Variants in CLSTN2 observed in about 807,000 individuals in gnomAD.
CLSTN2 encodes the protein calsyntenin 2, also known as calsyntenin-2.
Under a neutral mutation model 101.2 loss-of-function variants are expected in CLSTN2, and 48 were observed. The ratio of observed to expected loss-of-function variants is 0.47; its 90% confidence interval spans 0.38 to 0.60. CLSTN2 has a LOEUF of 0.60. CLSTN2 is among the 20% of genes least tolerant of loss of function. The pLI is 0.00. For synonymous variants in CLSTN2, 481 were observed against 463.6 expected, an observed-to-expected ratio of 1.04 and a Z score of -0.48; for missense variants, 1,160 against 1,238.2, an observed-to-expected ratio of 0.94 and a Z score of 0.95.
chr3:140,500,525 G>C (rs1025143028), intron 8 of CLSTN2, among the ~76,000 whole-genome samples: 12 of 152,192 alleles, frequency 7.9e-5, no homozygotes, highest in African/African-American at 2.9e-4. Flanking sequence ...TCAGAGGAGT[G>C]TTGGACCTGT....
chr3:140,160,456 A>G (rs2010027186), intron 1 of CLSTN2, among the ~76,000 whole-genome samples: 1 of 152,062 alleles, frequency 6.6e-6, no homozygotes, highest in African/African-American at 2.4e-5. Context: ...TTCACCACCC[A>G]AATGTTTCAT....
intron 2 of CLSTN2, among the ~76,000 whole-genome samples, chr3:140,225,052 T>A (rs922737356): frequency 6.6e-6 from 1 of 152,214 alleles, no homozygotes; most frequent in Non-Finnish European, 1.5e-5. Flanking sequence ...GGTTGCACTA[T>A]GTGTGAATTC....
In CLSTN2 at chr3:140,564,161, G is replaced by A. The variant is rs773211427; in HGVS notation, c.2667+16G>A. ...CCCCATGGAGGTGATCCTCATGCACGGCTGGGAGTTCTGGGTGGGGTGCTT... is the reference window on the plus strand; with the variant it reads ...CCCCATGGAGGTGATCCTCATGCACAGCTGGGAGTTCTGGGTGGGGTGCTT... On this transcript the variant is annotated intron_variant, in intron 16 of 16. Transcript: ENST00000458420. The A allele has an allele frequency of 1.6e-5, 26 of 1,611,014 alleles. No homozygotes were observed. Among genetic ancestry groups the A allele is most frequent in the African/African-American group, 2.7e-5 (2 of 74,832 alleles).
intron 8 of CLSTN2, among the ~76,000 whole-genome samples, chr3:140,472,562 T>A (rs1933873384): frequency 6.6e-6 from 1 of 152,226 alleles, no homozygotes. Flanking sequence ...AAAGACTAGC[T>A]CTTGGCTTCA....
In CLSTN2 at chr3:140,349,529, T is replaced by C. The variant is rs141559641; in HGVS notation, c.233-54100T>C. ...TGTTTGTTCCCTTAATACAATCCTGTAGATTCTTAAGAAGACAGTAGATGA... is the reference window on the plus strand; with the variant it reads ...TGTTTGTTCCCTTAATACAATCCTGCAGATTCTTAAGAAGACAGTAGATGA... On this transcript the variant is annotated intron_variant, in intron 2 of 16. Coordinates refer to ENST00000458420, the MANE Select transcript of CLSTN2 (RefSeq NM_022131.3). Among the ~76,000 whole-genome samples, 97 of 152,318 alleles carry C rather than the reference T, an allele frequency of 6.4e-4. 1 individual carries two copies. Among genetic ancestry groups the C allele is most frequent in the African/African-American group, 2.3e-3 (94 of 41,566 alleles).
chr3:140,410,094 T>C (rs1421619730), intron 4 of CLSTN2, among the ~76,000 whole-genome samples: 2 of 152,092 alleles, frequency 1.3e-5, no homozygotes, highest in African/African-American at 2.4e-5. Context: ...TTTGGGGGTA[T>C]TTATATGGCT....
intron 1 of CLSTN2, among the ~76,000 whole-genome samples, chr3:139,970,309 T>A (rs949011227): frequency 6.6e-6 from 1 of 152,126 alleles, no homozygotes; most frequent in Non-Finnish European, 1.5e-5. Flanking sequence ...CTGGCATGTG[T>A]GAAGCATCTG....
At chr3:140,412,829 CT>C (rs1464569432) in intron 4 of CLSTN2, among the ~76,000 whole-genome samples, 1 of 152,024 alleles carries the variant, frequency 6.6e-6, no homozygotes, top group African/African-American at 2.4e-5. Context: ...AGGAAAATAT[CT>C]TGAGGCAAAT....
intron 5 of CLSTN2, among the ~76,000 whole-genome samples, chr3:140,447,359 C>A (rs886614224): frequency 1.3e-5 from 2 of 152,318 alleles, no homozygotes; most frequent in African/African-American, 2.4e-5. Context: ...CCTCCCAGAG[C>A]GTGGGATGCC....
rs191959662 is a variant in CLSTN2 at position 140,052,806 on chromosome 3, A to T, written c.109+117323A>T. Among the ~76,000 whole-genome samples, 158 of 152,354 alleles carry T rather than the reference A, an allele frequency of 1.0e-3. 1 individual carries two copies. The highest frequency in any genetic ancestry group is 3.6e-3 in the African/African-American group (150 of 41,592). ...CAACAAACCTGGGTTCCAAGCAAGC[A>T]TGCCTATTCACAGGCTGTGTGGTCT... On this transcript the variant is annotated intron_variant, in intron 1 of 16. Coordinates refer to ENST00000458420, the MANE Select transcript of CLSTN2 (RefSeq NM_022131.3).
intron 1 of CLSTN2, among the ~76,000 whole-genome samples, chr3:140,008,918 GT>G (rs1194838957): frequency 1.3e-5 from 2 of 152,160 alleles, no homozygotes; most frequent in East Asian, 3.9e-4. Flanking sequence ...AATAGCATTT[GT>G]TTTGCAGACT....
chr3:140,087,398 A>T lies in CLSTN2; in HGVS notation c.110-88553A>T, dbSNP rs143213833. Among the ~76,000 whole-genome samples, 7 of 152,326 alleles carry T rather than the reference A, an allele frequency of 4.6e-5. No individual in the cohort carries two copies. The East Asian group carries it at 1.4e-3, about 29-fold the overall frequency. On this transcript the variant is annotated intron_variant, in intron 1 of 16. Transcript: ENST00000458420. ...TTCTTATTGAATTTGTATTTTTAAGATCCAAGGTAAATTTGTAATACCTCT... is the reference window on the plus strand; with the variant it reads ...TTCTTATTGAATTTGTATTTTTAAGTTCCAAGGTAAATTTGTAATACCTCT...
chr3:140,109,318 C>T (rs184776694), intron 1 of CLSTN2, among the ~76,000 whole-genome samples: 35 of 152,254 alleles, frequency 2.3e-4, no homozygotes, highest in Admixed American at 2.2e-3. Flanking sequence ...CTGGAAGAGC[C>T]GGGAATCTCA....
chr3:140,147,369 C>T (rs1300567988), intron 1 of CLSTN2, among the ~76,000 whole-genome samples: 24 of 152,196 alleles, frequency 1.6e-4, no homozygotes, highest in Admixed American at 1.6e-3. Flanking sequence ...TCGGGAATGT[C>T]AGCTTCTCTG....
At chr3:140,200,513 C>T (rs1160197857) in intron 2 of CLSTN2, among the ~76,000 whole-genome samples, 2 of 152,094 alleles carry the variant, frequency 1.3e-5, no homozygotes, top group East Asian at 1.9e-4. Flanking sequence ...ATGCTAATAG[C>T]ATGCTCTTTA....
At chr3:140,442,950 G>A (rs1425358426) in intron 5 of CLSTN2, among the ~76,000 whole-genome samples, 1 of 152,218 alleles carries the variant, frequency 6.6e-6, no homozygotes, top group East Asian at 1.9e-4. Flanking sequence ...CTTCCAGTAG[G>A]AGGGGAAGAC....
intron 4 of CLSTN2, 76 bp from the exon 5 acceptor site, chr3:140,421,049 G>A: frequency 6.9e-7 from 1 of 1,458,044 alleles, no homozygotes; most frequent in South Asian, 1.2e-5. Context: ...GGTGGGTGGA[G>A]TGGAGAAGAG....
intron 1 of CLSTN2, among the ~76,000 whole-genome samples, chr3:140,005,087 G>A (rs2006927030): frequency 6.6e-6 from 1 of 152,180 alleles, no homozygotes; most frequent in Non-Finnish European, 1.5e-5. Context: ...TAGAGAATGT[G>A]GAGCTGAAGC....
intron 2 of CLSTN2, among the ~76,000 whole-genome samples, chr3:140,184,494 A>C (rs1576459252): frequency 6.6e-6 from 1 of 152,046 alleles, no homozygotes; most frequent in Non-Finnish European, 1.5e-5. Context: ...GATTGGGAAA[A>C]CCACCCCCAT....
Sources: allele counts gnomAD v4.1 joint callset (sites outside exome capture counted in the v4.1 genomes callset), GRCh38; gene constraint gnomAD v4.1.1; transcripts MANE v1.5; gene names NCBI Gene and HGNC (gene_info 2026-07-23, HGNC 2026-07-21).